GAPVD1: variants seen among roughly 807,000 people sequenced by gnomAD.
The protein encoded by GAPVD1 is GTPase activating protein and VPS9 domains 1.
Under a neutral mutation model 155.5 loss-of-function variants are expected in GAPVD1, and 35 were observed. That is an observed-to-expected ratio of 0.23 (90% CI 0.17 to 0.30). The LOEUF is 0.30. GAPVD1 is among the 10% of genes least tolerant of loss of function. The probability of loss-of-function intolerance (pLI) is 1.00; values close to 1 mark genes in which losing one functional copy is unlikely to be tolerated. For missense variants in GAPVD1, 1,429 were observed against 1,775.7 expected (o/e 0.80, Z 3.51); for synonymous variants, 636 against 619.7 (o/e 1.03, Z -0.39).
chr9:125,284,642 G>A (rs1168090048), intron 2 of GAPVD1, among the ~76,000 whole-genome samples: 1 of 152,016 alleles, frequency 6.6e-6, no homozygotes, highest in African/African-American at 2.4e-5. Context: ...GCAGTCATGG[G>A]TCCTTAATGA....
chr9:125,304,608 TTA>T (rs1841483571), intron 5 of GAPVD1, among the ~76,000 whole-genome samples: 1 of 152,208 alleles, frequency 6.6e-6, no homozygotes. Context: ...TCAAACCAGC[TTA>T]TGTTAGGAAT....
intron 1 of GAPVD1, among the ~76,000 whole-genome samples, chr9:125,268,573 C>T (rs1834374655): frequency 6.8e-6 from 1 of 147,732 alleles, no homozygotes; most frequent in African/African-American, 2.5e-5. Flanking sequence ...TATCACAGCT[C>T]ACTGCAGCCT....
At chr9:125,340,473 A>AT (rs1847692635) in intron 17 of GAPVD1, among the ~76,000 whole-genome samples, 1 of 152,002 alleles carries the variant, frequency 6.6e-6, no homozygotes, top group South Asian at 2.1e-4. Flanking sequence ...TTAGTCTCAT[A>AT]TTTTTTATCG....
At chr9:125,357,291 AC>A (rs1850225781) in intron 25 of GAPVD1, among the ~76,000 whole-genome samples, 1 of 152,202 alleles carries the variant, frequency 6.6e-6, no homozygotes, top group South Asian at 2.1e-4. Context: ...TTAAGAATGA[AC>A]AGTTGGTCGG....
intron 1 of GAPVD1, among the ~76,000 whole-genome samples, chr9:125,268,020 T>C (rs1834254791): frequency 6.6e-6 from 1 of 151,126 alleles, no homozygotes; most frequent in Non-Finnish European, 1.5e-5. Flanking sequence ...AAAAATTAGC[T>C]GGGCGTGGTG....
Position 125,349,385 on chromosome 9 carries a change from T to C in GAPVD1, c.3170-5T>C. On this transcript the variant is annotated splice_region_variant and splice_polypyrimidine_tract_variant and intron_variant, in intron 20 of 27. Coordinates refer to ENST00000297933, the MANE Select transcript of GAPVD1 (RefSeq NM_001282680.3). ...ATCCGTTTCTTGGGGGTGGGTTTTG[T>C]TTAGAGGTTATGGGTGATGGTGAAA... is the stretch of plus-strand genomic sequence containing the variant. 1 of 1,612,638 alleles carries C rather than the reference T, an allele frequency of 6.2e-7. No homozygotes were observed. Among genetic ancestry groups the C allele is most frequent in the Middle Eastern group, 1.7e-4 (1 of 6,058 alleles).
intron 9 of GAPVD1, among the ~76,000 whole-genome samples, chr9:125,320,789 CTAAT>C (rs1262526475): frequency 2.6e-5 from 4 of 151,934 alleles, no homozygotes; most frequent in African/African-American, 9.7e-5. Flanking sequence ...CCAAGCCCGG[CTAAT>C]TTTTTTTGTA....
At chr9:125,281,584 T>G (rs961245404) in intron 2 of GAPVD1, among the ~76,000 whole-genome samples, 1 of 152,242 alleles carries the variant, frequency 6.6e-6, no homozygotes, top group Non-Finnish European at 1.5e-5. Flanking sequence ...TATGACAGTT[T>G]GTTACAATAT....
chr9:125,306,054 C>G (rs1841744135), intron 6 of GAPVD1, among the ~76,000 whole-genome samples: 1 of 152,190 alleles, frequency 6.6e-6, no homozygotes, highest in Admixed American at 6.5e-5. Context: ...TTTGATTAAG[C>G]TGTACATTCA....
In GAPVD1 at chr9:125,335,186, C is replaced by T. The variant is rs781316386; in HGVS notation, c.2429-1832C>T. 3.6e-5 allele frequency: 28 copies of T among 769,908 alleles called. No individual in the cohort carries two copies. In the Admixed American group the frequency reaches 4.9e-4, roughly 14 times the overall value. 47.7% of individuals were successfully genotyped at this position (769,908 alleles called of 1,614,324 possible). On this transcript the variant is annotated intron_variant, in intron 15 of 27. Coordinates refer to ENST00000297933, the MANE Select transcript of GAPVD1 (RefSeq NM_001282680.3). ...TGTGAGGCCAGATTTTCTTTATATA[C>T]TTCAGCCAAAACAACATTTTCAACA...
In GAPVD1 at chr9:125,365,870, C is replaced by G. The variant is rs552527488; in HGVS notation, c.*3124C>G. On this transcript the variant is annotated 3_prime_UTR_variant, in exon 28 of 28. Transcript: ENST00000297933. ...GCCAGGCTGGTCTCGAACTCCTGGC[C>G]TCAAGTGATCCGCCTACCTCGGCTT... 1 of 152,358 alleles carries G rather than the reference C, an allele frequency of 6.6e-6. No individual in the cohort carries two copies. The highest frequency in any genetic ancestry group is 1.5e-5 in the Non-Finnish European group (1 of 68,082). 9.4% of individuals were successfully genotyped at this position (152,358 alleles called of 1,614,324 possible).
chr9:125,336,610 A>C (rs950209656), intron 15 of GAPVD1: 1 of 162,330 alleles, frequency 6.2e-6, no homozygotes, highest in African/African-American at 2.4e-5. Context: ...GGCCTCCCAA[A>C]GCACTGGGAT....
chr9:125,354,974 T>C, intron 24 of GAPVD1, 133 bp downstream of exon 24: 1 of 554,420 alleles, frequency 1.8e-6, no homozygotes, highest in Non-Finnish European at 3.2e-6. Flanking sequence ...TATGGAATCT[T>C]AATAAATTAA....
chr9:125,289,846 G>C (rs1564300296), intron 2 of GAPVD1, among the ~76,000 whole-genome samples: 8 of 152,138 alleles, frequency 5.3e-5, no homozygotes, highest in Admixed American at 4.6e-4. Flanking sequence ...AGTTAGAAAA[G>C]AAAAAGGTCT....
At chr9:125,313,617 T>G (rs1225274473) in intron 9 of GAPVD1, among the ~76,000 whole-genome samples, 1 of 152,172 alleles carries the variant, frequency 6.6e-6, no homozygotes, top group Admixed American at 6.5e-5. Context: ...TTTTCTTTTT[T>G]TTTGACATGG....
At chr9:125,338,074 C>T (rs866585561) in intron 17 of GAPVD1, among the ~76,000 whole-genome samples, 1 of 152,292 alleles carries the variant, frequency 6.6e-6, no homozygotes, top group African/African-American at 2.4e-5. Flanking sequence ...CGGGGTTTCA[C>T]CATGTTGGCC....
intron 2 of GAPVD1, among the ~76,000 whole-genome samples, chr9:125,290,016 A>G (rs1035271831): frequency 6.6e-6 from 1 of 152,182 alleles, no homozygotes; most frequent in Non-Finnish European, 1.5e-5. Flanking sequence ...AGAGAGGTCA[A>G]CCATCTCAAA....
At position 125,337,443 on chromosome 9, in the gene GAPVD1, G is replaced by C. The variant is rs138125420; in HGVS notation, c.2729G>C (p.Arg910Pro). 1 of 1,614,124 alleles carries C rather than the reference G, an allele frequency of 6.2e-7. No homozygotes were observed. The highest frequency in any genetic ancestry group is 8.5e-7 in the Non-Finnish European group (1 of 1,180,000). The change falls in exon 17 of 28, where the codon CGG becomes CCG. Residue 910 changes from arginine to proline, a missense_variant. Coordinates refer to ENST00000297933, the MANE Select transcript of GAPVD1 (RefSeq NM_001282680.3). ...AGCTCTGATATAGTATCTTCTGTCC[G>C]GAGACCCATGAGTGACCCCAGCTGG... ...SRSSDIVSSV[R>P]RPMSDPSWNR...
At chr9:125,308,199 AGCCTGGTGTGGTGGCACGT>A in intron 8 of GAPVD1, 1 of 389,176 alleles carries the variant, frequency 2.6e-6, no homozygotes, top group Non-Finnish European at 4.6e-6. Flanking sequence ...TGTAGCCCTC[AGCCTGGTGTGGTGGCACGT>A]GCCTGTGGTC....
Sources: gnomAD v4.1 joint callset for allele counts (sites outside exome capture counted in the v4.1 genomes callset) on GRCh38, gnomAD v4.1.1 for gene constraint, MANE v1.5 for transcripts, NCBI Gene and HGNC (gene_info 2026-07-23, HGNC 2026-07-21) for gene names.